ERBB4: variants seen among roughly 807,000 people sequenced by gnomAD.
The protein encoded by ERBB4 is erb-b2 receptor tyrosine kinase 4.
In ERBB4, 42 loss-of-function variants were observed where a neutral mutation model predicts 158.0. The ratio of observed to expected loss-of-function variants is 0.27; its 90% CI spans 0.21 to 0.34. The LOEUF (loss-of-function observed/expected upper bound fraction) is 0.34, where lower values mean the gene tolerates loss of function less well. Ranked by LOEUF, ERBB4 falls within the 10% of genes least tolerant of loss-of-function variation. ERBB4 has a pLI of 1.00. For missense variants in ERBB4, 1,333 were observed against 1,624.1 expected (o/e 0.82, Z 3.08); for synonymous variants, 583 against 558.7 (o/e 1.04, Z -0.61).
chr2:211,667,436 A>G (rs1044125390), intron 14 of ERBB4, among the ~76,000 whole-genome samples: 2 of 150,980 alleles, frequency 1.3e-5, no homozygotes, highest in African/African-American at 4.9e-5. Context: ...TGTGAGGCTC[A>G]GAGCTCGAAA....
rs145931700 is a variant in ERBB4 at position 212,123,877 on chromosome 2, C to T, written c.234+875G>A. Among the ~76,000 whole-genome samples the T allele has an allele frequency of 7.0e-3, 1,062 of 152,170 alleles. 7 individuals carry two copies. The highest frequency in any genetic ancestry group is 0.024 in the Middle Eastern group (7 of 294). ...TCAAAACATTTAACCTAAATGTATA[C>T]GAAAGTGCTCCTAAGAAGTTTGTAA... On this transcript the variant is annotated intron_variant, in intron 2 of 27. Transcript: ENST00000342788.
rs969311683 is a variant in ERBB4, at chr2:211,379,263, T to C, written c.*4352A>G. ...TGTCTCTGCATAAGGTAATAGAACATTTACATTTTCTTTACTTCATCTTGA... is the reference window on the plus strand; with the variant it reads ...TGTCTCTGCATAAGGTAATAGAACACTTACATTTTCTTTACTTCATCTTGA... On this transcript the variant is annotated 3_prime_UTR_variant, in exon 28 of 28. Coordinates refer to ENST00000342788, the MANE Select transcript of ERBB4 (RefSeq NM_005235.3). 36 of 228,952 alleles carry C rather than the reference T, an allele frequency of 1.6e-4. No individual in the cohort carries two copies. Among genetic ancestry groups the C allele is most frequent in the Non-Finnish European group, 2.9e-4 (33 of 115,504 alleles). The allele number at this position is 228,952 out of a possible 1,614,324, so 14.2% of individuals were successfully genotyped here. A position where few individuals can be genotyped will look rare whatever the true frequency, so the allele number is the denominator to read the frequency against.
chr2:212,368,816 C>T (rs947165172), intron 1 of ERBB4, among the ~76,000 whole-genome samples: 3 of 152,070 alleles, frequency 2.0e-5, no homozygotes, highest in Non-Finnish European at 4.4e-5. Flanking sequence ...GGAGATATGG[C>T]CTATTCTCCA....
chr2:211,757,697 G>C (rs2075316442), intron 4 of ERBB4, among the ~76,000 whole-genome samples: 1 of 152,188 alleles, frequency 6.6e-6, no homozygotes, highest in Admixed American at 6.5e-5. Flanking sequence ...CATCACCTTA[G>C]ACAGGATATC....
At chr2:211,801,192 A>G (rs2076491302) in intron 3 of ERBB4, among the ~76,000 whole-genome samples, 1 of 152,216 alleles carries the variant, frequency 6.6e-6, no homozygotes, top group South Asian at 2.1e-4. Flanking sequence ...GTATTTAAAC[A>G]TTAAGCTTAA....
chr2:211,845,658 C>T (rs1246848591), intron 3 of ERBB4, among the ~76,000 whole-genome samples: 1 of 152,076 alleles, frequency 6.6e-6, no homozygotes, highest in Non-Finnish European at 1.5e-5. Context: ...GACTTTAGTA[C>T]ATCCAACTTT....
At position 211,460,838 on chromosome 2, in the gene ERBB4, G is replaced by T. The variant is rs560942737; in HGVS notation, c.2488-29738C>A. 5.9e-5 allele frequency among the ~76,000 whole-genome samples: 9 copies of T among 152,092 alleles called. No homozygotes were observed. The South Asian group carries it at 1.9e-3, about 32-fold the overall frequency. On this transcript the variant is annotated intron_variant, in intron 20 of 27. Coordinates refer to ENST00000342788, the MANE Select transcript of ERBB4 (RefSeq NM_005235.3). ...GCTAGAACAGATCTTGTCTAGTCTG[G>T]TCTGAACTTGGAGAAGGTAAAACTT...
chr2:212,499,966 T>C (rs1272793284), intron 1 of ERBB4, among the ~76,000 whole-genome samples: 5 of 152,098 alleles, frequency 3.3e-5, no homozygotes, highest in Non-Finnish European at 4.4e-5. Context: ...ATAAGTGATT[T>C]CTCATGAGAT....
intron 1 of ERBB4, among the ~76,000 whole-genome samples, chr2:212,197,100 G>A (rs1349116373): frequency 6.6e-6 from 1 of 152,074 alleles, no homozygotes; most frequent in East Asian, 1.9e-4. Context: ...TCAGCTGGGG[G>A]AAGAGACAAA....
intron 2 of ERBB4, among the ~76,000 whole-genome samples, chr2:212,056,626 A>G (rs1304511223): frequency 6.6e-6 from 1 of 152,216 alleles, no homozygotes; most frequent in Non-Finnish European, 1.5e-5. Context: ...CCAATATTCA[A>G]CATTCTTAAA....
chr2:211,681,886 T>C (rs924767707), intron 12 of ERBB4, among the ~76,000 whole-genome samples: 3 of 152,102 alleles, frequency 2.0e-5, no homozygotes, highest in Non-Finnish European at 2.9e-5. Flanking sequence ...TAAAAAGTTT[T>C]TGGTGTGTCC....
At chr2:211,665,522 C>T in intron 14 of ERBB4, 45 bp from the exon 15 acceptor site, 2 of 1,584,784 alleles carry the variant, frequency 1.3e-6, no homozygotes, top group Admixed American at 1.7e-5. Context: ...AAAGTGGTGT[C>T]ATTTCCTCTG....
chr2:211,491,154 T>C (rs1559221723), intron 20 of ERBB4, among the ~76,000 whole-genome samples: 1 of 152,124 alleles, frequency 6.6e-6, no homozygotes, highest in African/African-American at 2.4e-5. Flanking sequence ...AGACTGATTC[T>C]GAAAAACTGA....
At chr2:211,588,414 C>T (rs888868622) in intron 19 of ERBB4, among the ~76,000 whole-genome samples, 1 of 152,030 alleles carries the variant, frequency 6.6e-6, no homozygotes. Flanking sequence ...TGAGGATACG[C>T]TTTCAAATCC....
chr2:211,934,176 C>T (rs1438470268), intron 3 of ERBB4, among the ~76,000 whole-genome samples: 2 of 151,846 alleles, frequency 1.3e-5, no homozygotes, highest in Non-Finnish European at 2.9e-5. Context: ...TAAAACTCTG[C>T]TGTAAATATG....
At chr2:212,496,177 T>G (rs1232810680) in intron 1 of ERBB4, among the ~76,000 whole-genome samples, 9 of 151,880 alleles carry the variant, frequency 5.9e-5, no homozygotes, top group African/African-American at 2.2e-4. Flanking sequence ...CATTTTAGGA[T>G]GTTTAAAACA....
chr2:211,548,342 A>G (rs967378199), intron 20 of ERBB4, among the ~76,000 whole-genome samples: 6 of 120,304 alleles, frequency 5.0e-5, no homozygotes, highest in African/African-American at 1.9e-4. Flanking sequence ...AGGGAAGATT[A>G]AAAAAAAAAA....
intron 1 of ERBB4, among the ~76,000 whole-genome samples, chr2:212,472,026 T>G (rs1306214433): frequency 6.6e-6 from 1 of 151,906 alleles, no homozygotes; most frequent in Non-Finnish European, 1.5e-5. Flanking sequence ...AATCCATTTG[T>G]AAATCAACTA....
chr2:212,159,145 T>C (rs1575722568), intron 1 of ERBB4, among the ~76,000 whole-genome samples: 1 of 152,112 alleles, frequency 6.6e-6, no homozygotes, highest in East Asian at 1.9e-4. Context: ...AAGTATTTAT[T>C]CCACAAACAC....
Sources: gnomAD v4.1 joint callset for allele counts (sites outside exome capture counted in the v4.1 genomes callset) on GRCh38, gnomAD v4.1.1 for gene constraint, MANE v1.5 for transcripts, NCBI Gene and HGNC (gene_info 2026-07-23, HGNC 2026-07-21) for gene names.